Variants in CAMK1D observed in about 807,000 individuals in gnomAD.
The protein encoded by CAMK1D is calcium/calmodulin dependent protein kinase ID.
In CAMK1D, 9 loss-of-function variants were observed where a neutral mutation model predicts 47.7. The ratio of observed to expected loss-of-function variants is 0.19; its 90% CI spans 0.11 to 0.33. The LOEUF is 0.33. Ranked by LOEUF, CAMK1D falls within the 10% of genes least tolerant of loss-of-function variation. The pLI, the probability that CAMK1D is intolerant of heterozygous loss-of-function variation, is 1.00. For missense variants in CAMK1D, 291 were observed against 488.7 expected (o/e 0.60, Z 3.81); for synonymous variants, 184 against 184.9 (o/e 0.99, Z 0.04).
chr10:12,734,723 C>T (rs574395331), intron 3 of CAMK1D, among the ~76,000 whole-genome samples: 1 of 152,038 alleles, frequency 6.6e-6, no homozygotes, highest in African/African-American at 2.4e-5. Context: ...CTCCCTACTC[C>T]TCATCTTAGA....
chr10:12,472,423 A>G (rs373453611), intron 1 of CAMK1D, among the ~76,000 whole-genome samples: 4 of 151,872 alleles, frequency 2.6e-5, no homozygotes, highest in African/African-American at 9.7e-5. Flanking sequence ...TTCTCCCTCT[A>G]TGCAGGGAGG....
chr10:12,828,757 T>C lies in CAMK1D; in HGVS notation c.1040-12T>C. 1 of 1,604,832 alleles carries C rather than the reference T, an allele frequency of 6.2e-7. No individual in the cohort carries two copies. The highest frequency in any genetic ancestry group is 8.5e-7 in the Non-Finnish European group (1 of 1,172,506). On this transcript the variant is annotated splice_polypyrimidine_tract_variant and intron_variant, in intron 10 of 10. Transcript: ENST00000619168. Reference sequence around the variant, plus strand: ...CTGAAACTCTGAAGCCCACTTCTGCTGTTCCCTGCAGGTCTGGCACCTTCC... The same window carrying C: ...CTGAAACTCTGAAGCCCACTTCTGCCGTTCCCTGCAGGTCTGGCACCTTCC...
At chr10:12,490,118 T>C (rs968933139) in intron 1 of CAMK1D, among the ~76,000 whole-genome samples, 14 of 152,150 alleles carry the variant, frequency 9.2e-5, no homozygotes, top group African/African-American at 3.4e-4. Flanking sequence ...TTTTCCTGGG[T>C]GCAGTCTCCG....
At chr10:12,592,713 C>T (rs756520812) in intron 2 of CAMK1D, among the ~76,000 whole-genome samples, 15 of 152,258 alleles carry the variant, frequency 9.9e-5, no homozygotes, top group Middle Eastern at 6.8e-3. Flanking sequence ...CAGCCTGGTC[C>T]GTAGTAATTG....
chr10:12,603,410 G>C (rs965552850), intron 2 of CAMK1D, among the ~76,000 whole-genome samples: 2 of 152,118 alleles, frequency 1.3e-5, no homozygotes, highest in African/African-American at 4.8e-5. Context: ...GCCTGTCCTT[G>C]ATCATTATAT....
chr10:12,577,888 A>T (rs1404074562), intron 2 of CAMK1D, among the ~76,000 whole-genome samples: 1 of 152,218 alleles, frequency 6.6e-6, no homozygotes, highest in Non-Finnish European at 1.5e-5. Context: ...TTATCTACGT[A>T]AAAAATCAAA....
intron 1 of CAMK1D, among the ~76,000 whole-genome samples, chr10:12,506,508 C>T (rs1203337784): frequency 6.6e-6 from 1 of 151,902 alleles, no homozygotes; most frequent in African/African-American, 2.4e-5. Flanking sequence ...TCTGGGCTCT[C>T]TCTTTCTCTC....
chr10:12,614,723 A>G (rs1588691214), intron 2 of CAMK1D, among the ~76,000 whole-genome samples: 1 of 152,148 alleles, frequency 6.6e-6, no homozygotes, highest in Non-Finnish European at 1.5e-5. Flanking sequence ...ACTCCAGGAT[A>G]TCTGGTTACT....
At chr10:12,487,904 T>G (rs1373176000) in intron 1 of CAMK1D, among the ~76,000 whole-genome samples, 1 of 152,162 alleles carries the variant, frequency 6.6e-6, no homozygotes, top group Admixed American at 6.5e-5. Context: ...TAAATAGACA[T>G]GGGTTCATGG....
intron 2 of CAMK1D, among the ~76,000 whole-genome samples, chr10:12,598,046 G>A (rs189379789): frequency 3.3e-5 from 5 of 152,322 alleles, no homozygotes; most frequent in East Asian, 3.9e-4. Flanking sequence ...TGAAACACAC[G>A]CATTTGTAAG....
chr10:12,806,243 C>A (rs1838725631), intron 6 of CAMK1D, among the ~76,000 whole-genome samples: 1 of 152,148 alleles, frequency 6.6e-6, no homozygotes, highest in Non-Finnish European at 1.5e-5. Flanking sequence ...GGGTATCTGT[C>A]CCCCTGACCC....
At chr10:12,682,499 A>G (rs576087370) in intron 3 of CAMK1D, among the ~76,000 whole-genome samples, 2 of 152,332 alleles carry the variant, frequency 1.3e-5, no homozygotes, top group African/African-American at 2.4e-5. Flanking sequence ...AACTACTTAT[A>G]TACTTGGATT....
intron 4 of CAMK1D, among the ~76,000 whole-genome samples, chr10:12,762,732 A>G (rs1836567465): frequency 6.6e-6 from 1 of 152,158 alleles, no homozygotes; most frequent in Non-Finnish European, 1.5e-5. Context: ...GCTTCTTGAC[A>G]TCTGAAATGG....
chr10:12,810,494 C>CG (rs1467117915), intron 6 of CAMK1D, among the ~76,000 whole-genome samples: 1 of 152,116 alleles, frequency 6.6e-6, no homozygotes, highest in Non-Finnish European at 1.5e-5. Context: ...AGGCTGGTCT[C>CG]GAACTCCTGA....
intron 1 of CAMK1D, among the ~76,000 whole-genome samples, chr10:12,395,864 T>A (rs1292893003): frequency 6.6e-6 from 1 of 150,664 alleles, no homozygotes; most frequent in Non-Finnish European, 1.5e-5. Context: ...GAGGCGGAGG[T>A]TGCTGTGGGC....
rs371603889 is a variant in CAMK1D at position 12,810,658 on chromosome 10, A to T, written c.642-3537A>T. Among the ~76,000 whole-genome samples the T allele has an allele frequency of 5.3e-5, 8 of 152,340 alleles. No individual in the cohort carries two copies. In the South Asian group the frequency reaches 1.7e-3, roughly 32 times the overall value. On this transcript the variant is annotated intron_variant, in intron 6 of 10. Transcript: ENST00000619168. The stretch of plus-strand genomic sequence containing the variant: ...TCCCATCAGAGGGTTCCACTTGCAG[A>T]TGCAGGGGCAGGTAGAGCAAACCAA...
rs186441918 is a variant in CAMK1D at position 12,764,151 on chromosome 10, C to T, written c.438+3065C>T. Among the ~76,000 whole-genome samples the T allele has an allele frequency of 9.3e-3, 1,422 of 152,176 alleles. 27 individuals carry two copies. Among genetic ancestry groups the T allele is most frequent in the African/African-American group, 0.032 (1,337 of 41,524 alleles). On this transcript the variant is annotated intron_variant, in intron 4 of 10. Transcript: ENST00000619168. ...ATCCCAGCACTTTGGGAGGCGGAGG[C>T]GGGTGGATTGCGTGAGGTCAGGAGT...
At chr10:12,482,422 A>G (rs1834091728) in intron 1 of CAMK1D, among the ~76,000 whole-genome samples, 1 of 152,196 alleles carries the variant, frequency 6.6e-6, no homozygotes, top group African/African-American at 2.4e-5. Flanking sequence ...TGGAGAAGTA[A>G]CTTTCTTCCT....
At chr10:12,620,908 T>G (rs1271635113) in intron 2 of CAMK1D, among the ~76,000 whole-genome samples, 1 of 152,230 alleles carries the variant, frequency 6.6e-6, no homozygotes, top group Non-Finnish European at 1.5e-5. Context: ...ACTTCTACGT[T>G]AAACTCCATG....
Sources: allele counts gnomAD v4.1 joint callset (sites outside exome capture counted in the v4.1 genomes callset), GRCh38; gene constraint gnomAD v4.1.1; transcripts MANE v1.5; gene names NCBI Gene and HGNC (gene_info 2026-07-23, HGNC 2026-07-21).